The following PCDHA8 variants were observed in gnomAD, a reference collection of about 807,000 sequenced individuals.
PCDHA8 encodes protocadherin alpha 8, also known as protocadherin alpha-8.
PCDHA8 carries 53 observed loss-of-function variants against 61.8 expected under a neutral mutation model. The ratio of observed to expected loss-of-function variants is 0.86; its 90% confidence interval spans 0.69 to 1.08. PCDHA8 has a LOEUF of 1.08. PCDHA8 is among the 50% of genes least tolerant of loss of function. PCDHA8 has a pLI of 0.00. For synonymous variants in PCDHA8, 618 were observed against 556.6 expected (o/e 1.11, Z -1.55); for missense variants, 1,293 against 1,245.0 (o/e 1.04, Z -0.58).
At chr5:140,957,107 G>A in intron 1 of PCDHA8, among the ~76,000 whole-genome samples, 1 of 152,092 alleles carries the variant, frequency 6.6e-6, no homozygotes, top group East Asian at 1.9e-4. Context: ...CTATGGACAT[G>A]ATTCTGTGTG....
chr5:140,871,290 C>T, intron 1 of PCDHA8: 8 of 1,613,900 alleles, frequency 5.0e-6, no homozygotes, highest in African/African-American at 1.3e-5. Context: ...CCACTGAGGG[C>T]GCGTGCGCGC....
At chr5:140,917,305 C>A (rs1554197951) in intron 1 of PCDHA8, among the ~76,000 whole-genome samples, 1 of 137,092 alleles carries the variant, frequency 7.3e-6, no homozygotes, top group Non-Finnish European at 1.5e-5. Flanking sequence ...ATAGTTGTTA[C>A]AATTTGGTGT....
chr5:140,928,501 G>A, intron 1 of PCDHA8: 1 of 1,614,184 alleles, frequency 6.2e-7, no homozygotes. Flanking sequence ...TCCCAGAAGT[G>A]CAACAGTGAC....
At chr5:140,927,993 A>G (rs782756882) in intron 1 of PCDHA8, 66 of 1,614,068 alleles carry the variant, frequency 4.1e-5, no homozygotes, top group Non-Finnish European at 5.4e-5. Flanking sequence ...TAAAGGATGA[A>G]GACCTCGATT....
rs2154002003 is a variant in PCDHA8, at chr5:141,010,389, G to GAC, written c.*453_*454dup. The stretch of plus-strand genomic sequence containing the variant: ...TATGCGAGTGCCAGATATTGGCTGA[G>GAC]ACGAGCCAGCTTAGACTAATTGGTA... On this transcript the variant is annotated 3_prime_UTR_variant, in exon 4 of 4. Coordinates refer to ENST00000531613, the MANE Select transcript of PCDHA8 (RefSeq NM_018911.3). 1.4e-6 allele frequency: 2 copies of GAC among 1,400,314 alleles called. No individual in the cohort carries two copies. The highest frequency in any genetic ancestry group is 5.0e-5 in the East Asian group (2 of 40,030). The allele number at this position is 1,400,314 out of a possible 1,614,324, so 86.7% of individuals were successfully genotyped here. A position where few individuals can be genotyped will look rare whatever the true frequency, so the allele number is the denominator to read the frequency against.
At chr5:140,894,569 CT>C (rs556288790) in intron 1 of PCDHA8, among the ~76,000 whole-genome samples, 1 of 151,328 alleles carries the variant, frequency 6.6e-6, no homozygotes, top group Non-Finnish European at 1.5e-5. Flanking sequence ...AATTATTTTC[CT>C]TTTTTTTAAT....
chr5:140,989,422 TG>T (rs1554250798), intron 3 of PCDHA8, among the ~76,000 whole-genome samples: 2 of 152,128 alleles, frequency 1.3e-5, no homozygotes, highest in African/African-American at 4.8e-5. Flanking sequence ...CTTCACTCTG[TG>T]GGAAAAATTG....
intron 1 of PCDHA8, chr5:140,852,134 G>A: frequency 3.4e-6 from 3 of 887,872 alleles, no homozygotes; most frequent in Non-Finnish European, 4.1e-6. Flanking sequence ...AAACTCAGTA[G>A]AGAAAGATCA....
At chr5:140,851,120 T>C (rs1052387301) in intron 1 of PCDHA8, 3 of 1,307,570 alleles carry the variant, frequency 2.3e-6, no homozygotes, top group Non-Finnish European at 2.0e-6. Flanking sequence ...ATCAATTTTA[T>C]TTAAATTTGT....
Position 140,855,923 on chromosome 5 carries a change from A to T in PCDHA8, c.2394+12208A>T, listed in dbSNP as rs1424860955. On this transcript the variant is annotated intron_variant, in intron 1 of 3. Coordinates refer to ENST00000531613, the MANE Select transcript of PCDHA8 (RefSeq NM_018911.3). Reference sequence around the variant, plus strand: ...GCCAGTTTCTCAAGGACTAGGAAGTAGCGTCATTCTGAGATCTCAGCCATT... The same window carrying T: ...GCCAGTTTCTCAAGGACTAGGAAGTTGCGTCATTCTGAGATCTCAGCCATT... 7.3e-6 allele frequency: 9 copies of T among 1,229,146 alleles called. No individual in the cohort carries two copies. In the South Asian group the frequency reaches 1.4e-4, roughly 19 times the overall value. 76.1% of individuals were successfully genotyped at this position (1,229,146 alleles called of 1,614,324 possible).
rs1268827365 is a variant in PCDHA8 at position 140,843,094 on chromosome 5, A to G, written c.1773A>G (p.Val591=). ...VPRSVGAGHV[V]AKVRAVDADS... ...GGTCTGTGGGCGCGGGCCACGTGGT[A>G]GCGAAGGTGCGCGCAGTGGACGCCG... The change falls in exon 1 of 4, where the codon GTA becomes GTG. Residue 591 remains valine, a synonymous_variant. Coordinates refer to ENST00000531613, the MANE Select transcript of PCDHA8 (RefSeq NM_018911.3). 1.3e-6 allele frequency: 2 copies of G among 1,595,564 alleles called. No homozygotes were observed. The highest frequency in any genetic ancestry group is 2.2e-5 in the South Asian group (2 of 90,498).
chr5:140,853,171 G>A lies in PCDHA8; in HGVS notation c.2394+9456G>A, dbSNP rs2150529478. On this transcript the variant is annotated intron_variant, in intron 1 of 3. Coordinates refer to ENST00000531613, the MANE Select transcript of PCDHA8 (RefSeq NM_018911.3). ...TGGGATTACAGGCGTGAGCCACCGC[G>A]CCTGGCCTAAAATGTGTTCTTTATT... 22 of 965,136 alleles carry A rather than the reference G, an allele frequency of 2.3e-5. 1 individual carries two copies. Among genetic ancestry groups the A allele is most frequent in the Non-Finnish European group, 2.4e-5 (19 of 799,766 alleles). 59.8% of individuals were successfully genotyped at this position (965,136 alleles called of 1,614,324 possible).
chr5:140,933,567 A>G lies in PCDHA8; in HGVS notation c.2395-45382A>G, dbSNP rs146986632. ...AATATAAAATAAAAACCAATTAAGA[A>G]GTCTTAATAGTGGGTTTTTAGGTTG... On this transcript the variant is annotated intron_variant, in intron 1 of 3. Coordinates refer to ENST00000531613, the MANE Select transcript of PCDHA8 (RefSeq NM_018911.3). Among the ~76,000 whole-genome samples the G allele has an allele frequency of 5.4e-3, 827 of 152,184 alleles. 4 individuals are homozygous for G. Among genetic ancestry groups the G allele is most frequent in the African/African-American group, 0.019 (796 of 41,566 alleles).
intron 1 of PCDHA8, chr5:140,862,748 C>A: frequency 3.5e-6 from 2 of 577,558 alleles, no homozygotes; most frequent in East Asian, 9.5e-5. Context: ...TGGGTGCACG[C>A]GGAGAGCGGC....
intron 3 of PCDHA8, chr5:140,989,029 T>C (rs1179991724): frequency 6.6e-6 from 1 of 152,170 alleles, no homozygotes. Context: ...TCAGTTATCA[T>C]TGATTCCTTT....
At chr5:140,872,960 C>T (rs953236645) in intron 1 of PCDHA8, among the ~76,000 whole-genome samples, 10 of 152,142 alleles carry the variant, frequency 6.6e-5, no homozygotes, top group African/African-American at 2.4e-4. Context: ...GTAGTATCAT[C>T]CCATCTGAAG....
At chr5:140,904,015 A>G (rs1374371306) in intron 1 of PCDHA8, among the ~76,000 whole-genome samples, 1 of 152,234 alleles carries the variant, frequency 6.6e-6, no homozygotes, top group Non-Finnish European at 1.5e-5. Context: ...ACTTTAAAAA[A>G]TAATGGTATA....
At chr5:140,968,236 T>C in intron 1 of PCDHA8, 1 of 1,614,006 alleles carries the variant, frequency 6.2e-7, no homozygotes, top group East Asian at 2.2e-5. Flanking sequence ...TGCTCTGTAC[T>C]GTGCAAGCCA....
At chr5:140,876,153 G>T in intron 1 of PCDHA8, 2 of 1,613,964 alleles carry the variant, frequency 1.2e-6, no homozygotes, top group South Asian at 2.2e-5. Context: ...GGTCTGTCCA[G>T]ATTCAAATAA....
Sources: gnomAD v4.1 joint callset for allele counts (sites outside exome capture counted in the v4.1 genomes callset) on GRCh38, gnomAD v4.1.1 for gene constraint, MANE v1.5 for transcripts, NCBI Gene and HGNC (gene_info 2026-07-23, HGNC 2026-07-21) for gene names.